FLNB: variants seen among roughly 807,000 people sequenced by gnomAD.
FLNB encodes filamin B.
A neutral mutation model predicts 250.6 loss-of-function variants in FLNB; 111 were observed. That is an observed-to-expected ratio of 0.44 (90% CI 0.38 to 0.52). The LOEUF is 0.52. Ranked by LOEUF, FLNB falls within the 20% of genes least tolerant of loss-of-function variation. The pLI is 0.00. For synonymous variants in FLNB, 1,302 were observed against 1,372.1 expected, an observed-to-expected ratio of 0.95 and a Z score of 1.13; for missense variants, 2,869 against 3,447.8, an observed-to-expected ratio of 0.83 and a Z score of 4.20.
chr3:58,018,970 A>AG (rs1026893410), intron 1 of FLNB, among the ~76,000 whole-genome samples: 20 of 150,308 alleles, frequency 1.3e-4, no homozygotes, highest in African/African-American at 4.7e-4. Flanking sequence ...TACAAAAAAA[A>AG]AAAAAAAAAA....
chr3:58,078,447 T>TA, intron 2 of FLNB: 1 of 1,535,468 alleles, frequency 6.5e-7, no homozygotes, highest in South Asian at 1.2e-5. Flanking sequence ...GTTTATTTTT[T>TA]AACACCACTT....
chr3:58,096,006 G>C, intron 5 of FLNB, 135 bp from the exon 6 acceptor site: 1 of 716,866 alleles, frequency 1.4e-6, no homozygotes, highest in South Asian at 1.5e-5. Context: ...TAGGGGCGTT[G>C]TGCAAGAGGG....
intron 1 of FLNB, among the ~76,000 whole-genome samples, chr3:58,040,809 A>G (rs1453092741): frequency 6.6e-6 from 1 of 152,134 alleles, no homozygotes; most frequent in Non-Finnish European, 1.5e-5. Context: ...TGGTTTCTTT[A>G]AAATATACTC....
At chr3:58,070,420 G>A (rs546280860) in intron 1 of FLNB, among the ~76,000 whole-genome samples, 50 of 152,230 alleles carry the variant, frequency 3.3e-4, no homozygotes, top group African/African-American at 1.2e-3. Context: ...TTTCTATTTG[G>A]TAGATGAGGA....
chr3:58,032,467 A>G (rs2097132386), intron 1 of FLNB, among the ~76,000 whole-genome samples: 1 of 152,222 alleles, frequency 6.6e-6, no homozygotes, highest in Non-Finnish European at 1.5e-5. Context: ...AGGGCTTCAG[A>G]AGCTTGCCTC....
At chr3:58,092,645 C>CAAAACA (rs551687523) in intron 4 of FLNB, among the ~76,000 whole-genome samples, 8 of 151,966 alleles carry the variant, frequency 5.3e-5, no homozygotes, top group African/African-American at 9.7e-5. Flanking sequence ...GACTTGGTCT[C>CAAAACA]AAAACAAAAA....
At position 58,138,373 on chromosome 3, in the gene FLNB, G is replaced by C; in HGVS notation, c.4953G>C (p.Thr1651=). 6.2e-7 allele frequency: 1 copy of C among 1,614,226 alleles called. No individual in the cohort carries two copies. The highest frequency in any genetic ancestry group is 1.1e-5 in the South Asian group (1 of 91,076). ...KTAGKGKVTC[T]VLTPDGTEAE... ...CCGGGAAGGGTAAAGTGACCTGCAC[G>C]GTTCTGACCCCAGATGGCACTGAGG... Residue 1651 remains threonine (T), a synonymous_variant, in exon 29 of 46, where the codon ACG becomes ACC. Transcript: ENST00000295956.
chr3:58,128,747 C>T (rs1465098284), intron 24 of FLNB, among the ~76,000 whole-genome samples: 6 of 152,134 alleles, frequency 3.9e-5, no homozygotes, highest in Non-Finnish European at 8.8e-5. Context: ...CACCAGCTTC[C>T]GAATCCCCCT....
rs757004353 is a variant in FLNB at position 58,102,201 on chromosome 3, A to G, written c.1346-2A>G. The G allele has an allele frequency of 6.2e-7, 1 of 1,614,218 alleles. No homozygotes were observed. Among genetic ancestry groups the G allele is most frequent in the Non-Finnish European group, 8.5e-7 (1 of 1,180,024 alleles). ...GAATTGATGTCAAAACTGTGCTTGC[A>G]GCCTGCAATCCAAATGCCTGCCGGG... On this transcript the variant is annotated splice_acceptor_variant, in intron 8 of 45. Coordinates refer to ENST00000295956, the MANE Select transcript of FLNB (RefSeq NM_001457.4). LOFTEE classifies it high-confidence loss of function.
intron 4 of FLNB, among the ~76,000 whole-genome samples, chr3:58,090,627 C>A (rs1035386749): frequency 3.3e-5 from 5 of 152,118 alleles, no homozygotes; most frequent in African/African-American, 1.2e-4. Context: ...ACGGGACCAT[C>A]ATTGTATGTG....
At chr3:58,089,251 C>T (rs971535602) in intron 4 of FLNB, among the ~76,000 whole-genome samples, 2 of 152,078 alleles carry the variant, frequency 1.3e-5, no homozygotes, top group African/African-American at 2.4e-5. Flanking sequence ...AAAAAGGCTT[C>T]AGTAGCCAGG....
intron 28 of FLNB, among the ~76,000 whole-genome samples, chr3:58,137,023 C>T (rs1385342030): frequency 6.6e-6 from 1 of 152,036 alleles, no homozygotes; most frequent in Non-Finnish European, 1.5e-5. Context: ...CCTGGCCGGC[C>T]TTTCAGTTTT....
chr3:58,143,016 G>A (rs1575452696), intron 31 of FLNB, among the ~76,000 whole-genome samples: 1 of 152,232 alleles, frequency 6.6e-6, no homozygotes, highest in South Asian at 2.1e-4. Context: ...AAACTGCTGT[G>A]TTTAGATACC....
At chr3:58,143,417 T>C in intron 31 of FLNB, 56 bp from the exon 32 acceptor site, 1 of 1,606,214 alleles carries the variant, frequency 6.2e-7, no homozygotes, top group Non-Finnish European at 8.5e-7. Flanking sequence ...TGGGCTCTGC[T>C]TCTCTGGGGA....
chr3:58,024,295 A>G (rs758638501), intron 1 of FLNB, among the ~76,000 whole-genome samples: 1 of 152,188 alleles, frequency 6.6e-6, no homozygotes, highest in Non-Finnish European at 1.5e-5. Flanking sequence ...TGTGTCCCAG[A>G]CTATAGCAGT....
chr3:58,156,171 G>A (rs991923732), intron 41 of FLNB, 96 bp downstream of exon 41: 3 of 902,374 alleles, frequency 3.3e-6, no homozygotes, highest in Non-Finnish European at 5.4e-6. Flanking sequence ...AGGTGCTGAG[G>A]CCCCTTTTCA....
At chr3:58,042,364 T>A (rs1330373171) in intron 1 of FLNB, among the ~76,000 whole-genome samples, 15 of 150,182 alleles carry the variant, frequency 1.0e-4, no homozygotes, top group African/African-American at 3.4e-4. Context: ...TTTTTTTTTT[T>A]AAAGTCCGGG....
At chr3:58,100,690 C>T (rs902839772) in intron 8 of FLNB, among the ~76,000 whole-genome samples, 1 of 150,622 alleles carries the variant, frequency 6.6e-6, no homozygotes, top group Non-Finnish European at 1.5e-5. Context: ...TTCTGCTTCC[C>T]TGGTTCAAGT....
At chr3:58,075,069 A>C (rs1046055861) in intron 1 of FLNB, among the ~76,000 whole-genome samples, 1 of 151,918 alleles carries the variant, frequency 6.6e-6, no homozygotes, top group African/African-American at 2.4e-5. Flanking sequence ...TAATTAAAAA[A>C]ATAAGGCTCT....
Sources: allele counts gnomAD v4.1 joint callset (sites outside exome capture counted in the v4.1 genomes callset), GRCh38; gene constraint gnomAD v4.1.1; transcripts MANE v1.5; gene names NCBI Gene and HGNC (gene_info 2026-07-23, HGNC 2026-07-21).